The following SNTG1 variants were observed in gnomAD, a reference collection of about 807,000 sequenced individuals.
The protein encoded by SNTG1 is syntrophin gamma 1.
In SNTG1, 39 loss-of-function variants were observed where a neutral mutation model predicts 74.7. The observed-to-expected ratio is 0.52, with a 90% CI of 0.40 to 0.68. SNTG1 has a LOEUF of 0.68. Among genes scored for constraint, SNTG1 ranks in the 30% least tolerant of loss-of-function variants. The pLI is 0.00. For synonymous variants in SNTG1, 254 were observed against 217.1 expected (o/e 1.17, Z -1.49); for missense variants, 685 against 609.5 (o/e 1.12, Z -1.30).
intron 2 of SNTG1, among the ~76,000 whole-genome samples, chr8:50,242,527 C>CAAA (rs773542089): frequency 6.5e-5 from 2 of 30,952 alleles, no homozygotes; most frequent in South Asian, 1.6e-3. Flanking sequence ...GAATCCATCT[C>CAAA]AAAAAAAAAA....
intron 2 of SNTG1, among the ~76,000 whole-genome samples, chr8:50,212,548 G>A (rs1362054600): frequency 6.6e-6 from 1 of 152,150 alleles, no homozygotes; most frequent in Non-Finnish European, 1.5e-5. Context: ...TTCATGGTAA[G>A]AGGGGGAGAT....
chr8:49,990,876 G>A (rs1363217055), intron 1 of SNTG1, among the ~76,000 whole-genome samples: 1 of 152,128 alleles, frequency 6.6e-6, no homozygotes, highest in Non-Finnish European at 1.5e-5. Flanking sequence ...TCATGATGGT[G>A]TGTTATGGGA....
At chr8:50,500,954 A>C (rs186519024) in intron 8 of SNTG1, among the ~76,000 whole-genome samples, 1 of 152,184 alleles carries the variant, frequency 6.6e-6, no homozygotes, top group African/African-American at 2.4e-5. Flanking sequence ...CTCTAGGCAG[A>C]GGAGGATAGT....
chr8:50,393,516 A>G (rs2092689340), intron 2 of SNTG1, among the ~76,000 whole-genome samples: 1 of 152,162 alleles, frequency 6.6e-6, no homozygotes, highest in South Asian at 2.1e-4. Flanking sequence ...TTTCCGTGAC[A>G]TATCTTAGTT....
At chr8:50,756,932 T>C (rs2095582014) in intron 18 of SNTG1, among the ~76,000 whole-genome samples, 1 of 151,814 alleles carries the variant, frequency 6.6e-6, no homozygotes, top group African/African-American at 2.4e-5. Context: ...AGTACTTCTT[T>C]GATTTATCAG....
chr8:50,674,104 A>C (rs1360924335), intron 15 of SNTG1, among the ~76,000 whole-genome samples: 1 of 151,982 alleles, frequency 6.6e-6, no homozygotes, highest in Non-Finnish European at 1.5e-5. Context: ...ATTTCACATC[A>C]ATATTCATCA....
intron 13 of SNTG1, among the ~76,000 whole-genome samples, chr8:50,608,993 T>C (rs2094831848): frequency 6.6e-6 from 1 of 152,036 alleles, no homozygotes; most frequent in Admixed American, 6.6e-5. Flanking sequence ...GCAGTATAGA[T>C]CTATTTCAAA....
At chr8:50,420,632 T>G (rs1382337122) in intron 4 of SNTG1, among the ~76,000 whole-genome samples, 1 of 152,110 alleles carries the variant, frequency 6.6e-6, no homozygotes, top group African/African-American at 2.4e-5. Context: ...CCTTTTCCCC[T>G]TAAGTTTTTT....
At chr8:50,726,409 G>A (rs1265030210) in intron 17 of SNTG1, among the ~76,000 whole-genome samples, 2 of 152,190 alleles carry the variant, frequency 1.3e-5, no homozygotes, top group Non-Finnish European at 1.5e-5. Context: ...ACTGGCCGAA[G>A]TTGGGGGAGC....
intron 1 of SNTG1, among the ~76,000 whole-genome samples, chr8:50,103,295 C>T (rs1332009240): frequency 6.6e-6 from 1 of 152,118 alleles, no homozygotes; most frequent in Non-Finnish European, 1.5e-5. Context: ...AAGTTGGATT[C>T]TTAGGTATTT....
chr8:50,113,073 G>A (rs1458014993), intron 1 of SNTG1, among the ~76,000 whole-genome samples: 14 of 152,080 alleles, frequency 9.2e-5, no homozygotes, highest in Admixed American at 2.0e-4. Flanking sequence ...TTTTGACTTG[G>A]CAATGTGGGC....
chr8:50,631,927 G>A (rs574274227), intron 13 of SNTG1, among the ~76,000 whole-genome samples: 60 of 152,238 alleles, frequency 3.9e-4, no homozygotes, highest in African/African-American at 1.3e-3. Context: ...CAATGCTCAC[G>A]TCTGCTATAT....
chr8:50,744,092 G>T (rs1240928102), intron 17 of SNTG1, among the ~76,000 whole-genome samples: 1 of 137,538 alleles, frequency 7.3e-6, no homozygotes, highest in African/African-American at 2.7e-5. Flanking sequence ...TCAGATATCT[G>T]CCCCCGTGAT....
intron 1 of SNTG1, among the ~76,000 whole-genome samples, chr8:50,147,855 C>G (rs1311168234): frequency 6.6e-6 from 1 of 152,172 alleles, no homozygotes; most frequent in African/African-American, 2.4e-5. Context: ...TGCCATGCCT[C>G]AGTTTCTAAA....
intron 16 of SNTG1, among the ~76,000 whole-genome samples, chr8:50,707,458 C>T (rs2095447068): frequency 6.6e-6 from 1 of 151,750 alleles, no homozygotes; most frequent in African/African-American, 2.4e-5. Flanking sequence ...CTTTAGTCTG[C>T]TTTTTTTAAA....
At chr8:50,528,824 T>A (rs961258048) in intron 9 of SNTG1, among the ~76,000 whole-genome samples, 1 of 151,578 alleles carries the variant, frequency 6.6e-6, no homozygotes, top group African/African-American at 2.4e-5. Flanking sequence ...TTGCTATGGG[T>A]TTATCTAATT....
At chr8:50,572,415 G>A (rs1167400846) in intron 12 of SNTG1, among the ~76,000 whole-genome samples, 1 of 152,122 alleles carries the variant, frequency 6.6e-6, no homozygotes, top group Non-Finnish European at 1.5e-5. Flanking sequence ...AGTTGTATGT[G>A]TGTGCATATG....
At chr8:50,469,743 C>T (rs2093636968) in intron 8 of SNTG1, among the ~76,000 whole-genome samples, 1 of 152,160 alleles carries the variant, frequency 6.6e-6, no homozygotes, top group Admixed American at 6.5e-5. Context: ...CTTTAGGAGG[C>T]CAAGATGGTC....
chr8:50,566,500 TCACACACACA>T (rs557028310), intron 12 of SNTG1, among the ~76,000 whole-genome samples: 1 of 151,540 alleles, frequency 6.6e-6, no homozygotes, highest in South Asian at 2.1e-4. Context: ...AATAAAACTA[TCACACACACA>T]CACACTTGAA....
Sources: gnomAD v4.1 joint callset for allele counts (sites outside exome capture counted in the v4.1 genomes callset) on GRCh38, gnomAD v4.1.1 for gene constraint, MANE v1.5 for transcripts, NCBI Gene and HGNC (gene_info 2026-07-23, HGNC 2026-07-21) for gene names.